The following USP8 variants were observed in gnomAD, a reference collection of about 807,000 sequenced individuals.
USP8 encodes ubiquitin specific peptidase 8.
Under a neutral mutation model 130.0 loss-of-function variants are expected in USP8, and 27 were observed. The ratio of observed to expected loss-of-function variants is 0.21; its 90% confidence interval spans 0.15 to 0.29. USP8 has a LOEUF of 0.29. USP8 is among the 10% of genes least tolerant of loss of function. The pLI, the probability that USP8 is intolerant of heterozygous loss-of-function variation, is 1.00. For synonymous variants in USP8, 392 were observed against 444.1 expected (o/e 0.88, Z 1.48); for missense variants, 1,029 against 1,312.2 (o/e 0.78, Z 3.33).
intron 5 of USP8, among the ~76,000 whole-genome samples, 194 bp downstream of exon 5, chr15:50,459,356 G>C (rs1426020039): frequency 6.6e-6 from 1 of 152,180 alleles, no homozygotes; most frequent in African/African-American, 2.4e-5. Flanking sequence ...GGCCGAGGCG[G>C]GCAGATCACT....
Position 50,498,658 on chromosome 15 carries a change from A to T in USP8, c.3101A>T (p.Asn1034Ile). Residue 1034 changes from asparagine (N) to isoleucine (I), a missense_variant, in exon 19 of 20, where the codon AAT becomes ATT. Coordinates refer to ENST00000307179, the MANE Select transcript of USP8 (RefSeq NM_005154.5). ...ACATCTGTGGACTTCCCGTTAGAAAATCTTGACTTGTCACAGTATGTTATT... is the reference window on the plus strand; with the variant it reads ...ACATCTGTGGACTTCCCGTTAGAAATTCTTGACTTGTCACAGTATGTTATT... ...LQTSVDFPLE[N>I]LDLSQYVIGP... is the part of the protein sequence containing the mutation. The T allele has an allele frequency of 6.2e-7, 1 of 1,613,232 alleles. No homozygotes were observed. The highest frequency in any genetic ancestry group is 8.5e-7 in the Non-Finnish European group (1 of 1,179,654).
chr15:50,425,516 C>G (rs1156995874), intron 1 of USP8, among the ~76,000 whole-genome samples: 2 of 152,120 alleles, frequency 1.3e-5, no homozygotes, highest in Non-Finnish European at 2.9e-5. Flanking sequence ...TACAGCATAT[C>G]CCTGGACTAT....
intron 8 of USP8, among the ~76,000 whole-genome samples, chr15:50,474,935 C>T (rs896669241): frequency 6.6e-6 from 1 of 152,022 alleles, no homozygotes; most frequent in African/African-American, 2.4e-5. Flanking sequence ...ATGGCGAAAC[C>T]CCATCTCTAC....
At chr15:50,489,426 T>C (rs1445574638) in intron 12 of USP8, 1 of 152,956 alleles carries the variant, frequency 6.5e-6, no homozygotes, top group Non-Finnish European at 1.4e-5. Flanking sequence ...TGTGGAAAAC[T>C]AAAAAAAAAA....
rs371669560 is a variant in USP8 at position 50,499,554 on chromosome 15, T to C, written c.*466T>C. The C allele has an allele frequency of 7.2e-5, 11 of 152,364 alleles. No homozygotes were observed. In the East Asian group the frequency reaches 1.2e-3, roughly 16 times the overall value. The allele number at this position is 152,364 out of a possible 1,614,324, so 9.4% of individuals were successfully genotyped here. A position where few individuals can be genotyped will look rare whatever the true frequency, so the allele number is the denominator to read the frequency against. On this transcript the variant is annotated 3_prime_UTR_variant, in exon 20 of 20. Transcript: ENST00000307179. Reference sequence around the variant, plus strand: ...GTACATAGTTTAACACGTGGTCCTTTTGTGAAACCTAGAACTCAGAGGATT... The same window carrying C: ...GTACATAGTTTAACACGTGGTCCTTCTGTGAAACCTAGAACTCAGAGGATT...
intron 4 of USP8, among the ~76,000 whole-genome samples, chr15:50,455,062 A>T (rs2050749941): frequency 7.0e-6 from 1 of 143,804 alleles, no homozygotes; most frequent in Non-Finnish European, 1.6e-5. Context: ...TTTCAGTTAT[A>T]TGTTTCAATT....
rs1398086091 is a variant in USP8, at chr15:50,501,771, C to T, written c.*2683C>T. 4 of 152,124 alleles carry T rather than the reference C, an allele frequency of 2.6e-5. No individual in the cohort carries two copies. Among genetic ancestry groups the T allele is most frequent in the Admixed American group, 1.3e-4 (2 of 15,268 alleles). 9.4% of individuals were successfully genotyped at this position (152,124 alleles called of 1,614,324 possible). A position where few individuals can be genotyped will look rare whatever the true frequency, so the allele number is the denominator to read the frequency against. ...TATGATAAGGGTCAGCAAACCACGG[C>T]CCGTGGGTCAACTCCAGGCTGTTTT... On this transcript the variant is annotated 3_prime_UTR_variant, in exon 20 of 20. Coordinates refer to ENST00000307179, the MANE Select transcript of USP8 (RefSeq NM_005154.5).
At chr15:50,452,398 G>A (rs2050653554) in intron 4 of USP8, among the ~76,000 whole-genome samples, 1 of 152,212 alleles carries the variant, frequency 6.6e-6, no homozygotes, top group Admixed American at 6.5e-5. Context: ...AAATTGGAAA[G>A]TAGGAGAGAC....
rs2050251060 is a variant in USP8, at chr15:50,441,267, A to G, written c.105-82A>G. The stretch of plus-strand genomic sequence containing the variant: ...CTGGGGTTGGGGATCCCTGATAAAG[A>G]TTATCTGTGGACTTTGTATATGACC... On this transcript the variant is annotated intron_variant, in intron 2 of 19. Coordinates refer to ENST00000307179, the MANE Select transcript of USP8 (RefSeq NM_005154.5). 3.0e-6 allele frequency: 4 copies of G among 1,331,580 alleles called. No homozygotes were observed. The East Asian group carries it at 1.1e-4, about 36-fold the overall frequency. The allele number at this position is 1,331,580 out of a possible 1,614,324, so 82.5% of individuals were successfully genotyped here. A position where few individuals can be genotyped will look rare whatever the true frequency, so the allele number is the denominator to read the frequency against.
rs746111345 is a variant in USP8 at position 50,455,766 on chromosome 15, A to G, written c.336-3234A>G. On this transcript the variant is annotated intron_variant, in intron 4 of 19. Coordinates refer to ENST00000307179, the MANE Select transcript of USP8 (RefSeq NM_005154.5). ...TTGCCTATGGTAGGTGGCAACTGAC[A>G]TTCTTTTCAATTCTTCTAAACTTAG... Among the ~76,000 whole-genome samples, 4 of 152,182 alleles carry G rather than the reference A, an allele frequency of 2.6e-5. 1 individual carries two copies. Among genetic ancestry groups the G allele is most frequent in the African/African-American group, 9.7e-5 (4 of 41,450 alleles).
intron 8 of USP8, among the ~76,000 whole-genome samples, chr15:50,475,254 A>G (rs1023794551): frequency 7.9e-5 from 12 of 152,234 alleles, no homozygotes; most frequent in Non-Finnish European, 1.5e-4. Flanking sequence ...GCAAATAACT[A>G]TAGAAAAAGG....
chr15:50,492,365 G>C (rs1039107269), intron 14 of USP8, among the ~76,000 whole-genome samples: 1 of 151,800 alleles, frequency 6.6e-6, no homozygotes, highest in African/African-American at 2.4e-5. Flanking sequence ...AAACTTCCAG[G>C]GATCATTTAA....
In USP8 at chr15:50,500,999, A is replaced by G. The variant is rs1285337904; in HGVS notation, c.*1911A>G. On this transcript the variant is annotated 3_prime_UTR_variant, in exon 20 of 20. Transcript: ENST00000307179. ...ATCATGCATATAGCCTGACTGCTAT[A>G]TTGCTTCTCATTTCATTGTAACTAC... 3 of 588,864 alleles carry G rather than the reference A, an allele frequency of 5.1e-6. No homozygotes were observed. In the African/African-American group the frequency reaches 5.6e-5, roughly 11 times the overall value. The allele number at this position is 588,864 out of a possible 1,614,324, so 36.5% of individuals were successfully genotyped here.
chr15:50,428,607 TAATAA>T (rs1314935390), intron 1 of USP8, among the ~76,000 whole-genome samples: 1 of 152,182 alleles, frequency 6.6e-6, no homozygotes, highest in Admixed American at 6.5e-5. Context: ...CAATAACTAA[TAATAA>T]AATAGAATAA....
chr15:50,451,686 G>GTC (rs1231318037), intron 4 of USP8, among the ~76,000 whole-genome samples: 2 of 152,162 alleles, frequency 1.3e-5, no homozygotes, highest in African/African-American at 4.8e-5. Context: ...CCATGTTGGT[G>GTC]TCTTTCATGG....
At chr15:50,442,648 G>A (rs2050298621) in intron 3 of USP8, among the ~76,000 whole-genome samples, 1 of 152,248 alleles carries the variant, frequency 6.6e-6, no homozygotes, top group East Asian at 1.9e-4. Flanking sequence ...GGGAGGCTGA[G>A]ACAGGAGAAC....
At chr15:50,443,591 C>T (rs964336861) in intron 3 of USP8, among the ~76,000 whole-genome samples, 51 of 152,188 alleles carry the variant, frequency 3.4e-4, no homozygotes, top group African/African-American at 1.0e-3. Flanking sequence ...TCAAGCGGTT[C>T]TCCTGCCTCA....
At position 50,499,099 on chromosome 15, in the gene USP8, G is replaced by A. The variant is rs1286903146; in HGVS notation, c.*11G>A. The A allele has an allele frequency of 6.4e-7, 1 of 1,571,022 alleles. No individual in the cohort carries two copies. Among genetic ancestry groups the A allele is most frequent in the Non-Finnish European group, 8.6e-7 (1 of 1,158,726 alleles). ...GATGTAGCCACATAAGGAGACATAG[G>A]TTATAAACTAGTTATCTTTTAAAAG... On this transcript the variant is annotated 3_prime_UTR_variant, in exon 20 of 20. Transcript: ENST00000307179.
intron 18 of USP8, 42 bp downstream of exon 18, chr15:50,497,273 G>A: frequency 6.4e-7 from 1 of 1,558,726 alleles, no homozygotes; most frequent in Middle Eastern, 1.7e-4. Flanking sequence ...GAAATTAAAT[G>A]AGGGAATTTT....
Sources: allele counts gnomAD v4.1 joint callset (sites outside exome capture counted in the v4.1 genomes callset), GRCh38; gene constraint gnomAD v4.1.1; transcripts MANE v1.5; gene names NCBI Gene and HGNC (gene_info 2026-07-23, HGNC 2026-07-21).